The following CEP112 variants were observed in gnomAD, a reference collection of about 807,000 sequenced individuals.
CEP112 encodes the protein centrosomal protein 112, also known as centrosomal protein of 112 kDa.
Under a neutral mutation model 153.0 loss-of-function variants are expected in CEP112, and 127 were observed. The ratio of observed to expected loss-of-function variants is 0.83; its 90% CI spans 0.72 to 0.96. The LOEUF (loss-of-function observed/expected upper bound fraction) is 0.96. Ranked by LOEUF, CEP112 falls within the 40% of genes least tolerant of loss-of-function variation. The pLI is 0.00. For missense variants in CEP112, 1,089 were observed against 1,101.2 expected, an observed-to-expected ratio of 0.99 and a Z score of 0.16; for synonymous variants, 358 against 374.4, an observed-to-expected ratio of 0.96 and a Z score of 0.51.
At chr17:65,933,648 ATGAGGGAGG>A (rs1200626459) in intron 18 of CEP112, among the ~76,000 whole-genome samples, 1 of 152,198 alleles carries the variant, frequency 6.6e-6, no homozygotes, top group Non-Finnish European at 1.5e-5. Flanking sequence ...TCCCCCGAAA[ATGAGGGAGG>A]TCATCACCAT....
intron 21 of CEP112, among the ~76,000 whole-genome samples, chr17:65,778,282 A>T (rs79431336): frequency 0.036 from 5,520 of 152,330 alleles, 160 homozygotes; most frequent in Non-Finnish European, 0.054. Flanking sequence ...TGGAGGAATG[A>T]ATGAATGTTT....
chr17:66,090,535 A>G (rs2068093667), intron 8 of CEP112, among the ~76,000 whole-genome samples: 1 of 152,092 alleles, frequency 6.6e-6, no homozygotes, highest in African/African-American at 2.4e-5. Flanking sequence ...CAAAGCAAAA[A>G]CCTACAATAG....
chr17:65,962,153 T>C lies in CEP112; in HGVS notation c.1737-555A>G, dbSNP rs550000645. Among the ~76,000 whole-genome samples the C allele has an allele frequency of 1.4e-4, 21 of 152,206 alleles. No individual in the cohort carries two copies. The South Asian group carries it at 4.4e-3, about 32-fold the overall frequency. ...GCCAAGGGATATGAAATGAGGAAAA[T>C]ATGAAAATGTTCTGGAATTAGATAG... is the stretch of plus-strand genomic sequence containing the variant. On this transcript the variant is annotated intron_variant, in intron 17 of 26. Transcript: ENST00000535342.
rs1454121288 is a variant in CEP112 at position 66,035,008 on chromosome 17, A to ATATT, written c.1219-4986_1219-4985insAATA. On this transcript the variant is annotated intron_variant, in intron 12 of 26. Transcript: ENST00000535342. ...TATATATATACATATATATATATAT[A>ATATT]TTTTTTTTTTTAGTAGAGATGGAGT... Among the ~76,000 whole-genome samples, 27 of 72,334 alleles carry ATATT rather than the reference A, an allele frequency of 3.7e-4. 1 individual carries two copies. Among genetic ancestry groups the ATATT allele is most frequent in the African/African-American group, 7.9e-4 (18 of 22,696 alleles). 47.5% of individuals were successfully genotyped at this position (72,334 alleles called of 152,430 possible).
At position 66,177,571 on chromosome 17, in the gene CEP112, T is replaced by C. The variant is rs565126096; in HGVS notation, c.107-551A>G. 3.9e-5 allele frequency among the ~76,000 whole-genome samples: 6 copies of C among 152,320 alleles called. No individual in the cohort carries two copies. In the South Asian group the frequency reaches 1.2e-3, roughly 32 times the overall value. On this transcript the variant is annotated intron_variant, in intron 2 of 26. Coordinates refer to ENST00000535342, the MANE Select transcript of CEP112 (RefSeq NM_001199165.4). The stretch of plus-strand genomic sequence containing the variant: ...CATCACTTCAAGCATGTATCCTCTG[T>C]GTTACAAACAATCCAATTATACTCT...
intron 20 of CEP112, among the ~76,000 whole-genome samples, chr17:65,878,927 C>A (rs1400223932): frequency 1.3e-5 from 2 of 152,146 alleles, no homozygotes; most frequent in Non-Finnish European, 2.9e-5. Flanking sequence ...TTCATTCCAG[C>A]CCTTAAGGGG....
At chr17:65,710,092 C>T (rs892964529) in intron 23 of CEP112, among the ~76,000 whole-genome samples, 1 of 152,160 alleles carries the variant, frequency 6.6e-6, no homozygotes, top group African/African-American at 2.4e-5. Context: ...GACCTGCAGG[C>T]ACATTCAGGT....
chr17:65,743,214 T>C lies in CEP112; in HGVS notation c.2461A>G (p.Ile821Val). The C allele has an allele frequency of 6.2e-7, 1 of 1,603,706 alleles. No individual in the cohort carries two copies. Among genetic ancestry groups the C allele is most frequent in the Non-Finnish European group, 8.5e-7 (1 of 1,177,036 alleles). ...GAAATGGTTGTCTGAAGTTCTGCTA[T>C]GATCTAAAATGAAAACAGCATGCTA... ...TQKLAKSSQI[I>V]AELQTTISSL... is the part of the protein sequence containing the mutation. Residue 821 changes from isoleucine to valine, a missense_variant, in exon 23 of 27, where the codon ATA becomes GTA. By Grantham distance (29) the Ile-to-Val change is conservative (BLOSUM62 3). Coordinates refer to ENST00000535342, the MANE Select transcript of CEP112 (RefSeq NM_001199165.4).
intron 19 of CEP112, among the ~76,000 whole-genome samples, chr17:65,917,007 A>G (rs887954074): frequency 5.3e-5 from 8 of 152,284 alleles, no homozygotes; most frequent in African/African-American, 1.9e-4. Context: ...GGCTCCGACC[A>G]CTGGACCTGG....
intron 4 of CEP112, among the ~76,000 whole-genome samples, chr17:66,155,203 C>A (rs2071383800): frequency 6.6e-6 from 1 of 152,142 alleles, no homozygotes; most frequent in Admixed American, 6.5e-5. Flanking sequence ...GCTAATCTCA[C>A]TGGGACTGGT....
intron 18 of CEP112, among the ~76,000 whole-genome samples, chr17:65,937,551 CGT>C: frequency 9.8e-6 from 1 of 102,180 alleles, no homozygotes; most frequent in South Asian, 4.8e-4. Context: ...CCAGCCGCCC[CGT>C]CCGGGAGGGA....
At chr17:65,863,771 A>G (rs2058391734) in intron 20 of CEP112, among the ~76,000 whole-genome samples, 1 of 151,208 alleles carries the variant, frequency 6.6e-6, no homozygotes, top group Non-Finnish European at 1.5e-5. Flanking sequence ...GAAAAAAAAA[A>G]GAAACAAAAT....
At chr17:65,930,919 G>T (rs1054098261) in intron 18 of CEP112, among the ~76,000 whole-genome samples, 2 of 151,792 alleles carry the variant, frequency 1.3e-5, no homozygotes, top group Non-Finnish European at 2.9e-5. Context: ...TCTCTAAGGT[G>T]TTCTTTAATC....
At chr17:65,921,788 G>A (rs1159205551) in intron 19 of CEP112, among the ~76,000 whole-genome samples, 1 of 151,952 alleles carries the variant, frequency 6.6e-6, no homozygotes, top group East Asian at 1.9e-4. Flanking sequence ...TATTGTGTTA[G>A]TATTATTTTT....
intron 21 of CEP112, among the ~76,000 whole-genome samples, chr17:65,844,870 C>T (rs60901658): frequency 0.1 from 15,290 of 151,500 alleles, 1,571 homozygotes; most frequent in East Asian, 0.59. Flanking sequence ...AAAAATTAGC[C>T]GGGCATGGTG....
intron 17 of CEP112, among the ~76,000 whole-genome samples, chr17:65,979,106 T>G (rs529410496): frequency 6.6e-6 from 1 of 152,282 alleles, no homozygotes; most frequent in South Asian, 2.1e-4. Context: ...TCTAAAATGG[T>G]TGCAGATGCT....
rs572990551 is a variant in CEP112, at chr17:65,826,777, C to T, written c.2394+25027G>A. Among the ~76,000 whole-genome samples the T allele has an allele frequency of 7.9e-5, 12 of 152,294 alleles. No homozygotes were observed. In the South Asian group the frequency reaches 2.5e-3, roughly 32 times the overall value. On this transcript the variant is annotated intron_variant, in intron 21 of 26. Transcript: ENST00000535342. ...ATATCCCATCTCACAGAGAAATGAA[C>T]TAGCATATTTTTTCCATGTTTTCCT...
At chr17:66,032,070 C>T (rs1255516894) in intron 12 of CEP112, among the ~76,000 whole-genome samples, 2 of 152,044 alleles carry the variant, frequency 1.3e-5, no homozygotes, top group Non-Finnish European at 2.9e-5. Flanking sequence ...GGCTGGATCT[C>T]GGCTCACTGC....
At chr17:66,189,078 C>G (rs1019134482) in intron 1 of CEP112, among the ~76,000 whole-genome samples, 2 of 152,154 alleles carry the variant, frequency 1.3e-5, no homozygotes, top group Non-Finnish European at 2.9e-5. Context: ...AAAATTCAAC[C>G]ATTAAATGAC....
Sources: gnomAD v4.1 joint callset for allele counts (sites outside exome capture counted in the v4.1 genomes callset) on GRCh38, gnomAD v4.1.1 for gene constraint, MANE v1.5 for transcripts, NCBI Gene and HGNC (gene_info 2026-07-23, HGNC 2026-07-21) for gene names.